CDH12: variants seen among roughly 807,000 people sequenced by gnomAD.
The protein encoded by CDH12 is cadherin-12.
CDH12 carries 41 observed loss-of-function variants against 74.1 expected under a neutral mutation model. The ratio of observed to expected loss-of-function variants is 0.55; its 90% CI spans 0.43 to 0.72. CDH12 has a LOEUF of 0.72. CDH12 is among the 30% of genes least tolerant of loss of function. The pLI is 0.00. For missense variants in CDH12, 945 were observed against 977.2 expected (o/e 0.97, Z 0.44); for synonymous variants, 399 against 355.0 (o/e 1.12, Z -1.39).
chr5:21,913,618 A>G (rs1456533749), intron 6 of CDH12, among the ~76,000 whole-genome samples: 1 of 152,138 alleles, frequency 6.6e-6, no homozygotes, highest in East Asian at 1.9e-4. Flanking sequence ...ATAAAATATT[A>G]TACATATATT....
chr5:22,202,336 G>A (rs898777697), intron 4 of CDH12, among the ~76,000 whole-genome samples: 1 of 152,066 alleles, frequency 6.6e-6, no homozygotes, highest in Non-Finnish European at 1.5e-5. Flanking sequence ...GTAAGACACA[G>A]TAAATTTGAG....
intron 6 of CDH12, among the ~76,000 whole-genome samples, chr5:21,930,106 G>A (rs937472206): frequency 7.9e-5 from 12 of 152,304 alleles, no homozygotes; most frequent in African/African-American, 2.6e-4. Context: ...TGATTTGGTA[G>A]AGACAGTGTC....
rs147794527 is a variant in CDH12, at chr5:22,568,979, C to T, written c.-522-63615G>A. On this transcript the variant is annotated intron_variant, in intron 1 of 14. Coordinates refer to ENST00000382254, the MANE Select transcript of CDH12 (RefSeq NM_004061.5). ...TGGCTGCTGACAAGCGATGTGGTTG[C>T]TAAAGGTTGTCGCAGCTGTGACAAT... Among the ~76,000 whole-genome samples, 371 of 152,248 alleles carry T rather than the reference C, an allele frequency of 2.4e-3. 3 individuals carry two copies. The highest frequency in any genetic ancestry group is 8.7e-3 in the African/African-American group (360 of 41,552).
intron 4 of CDH12, among the ~76,000 whole-genome samples, chr5:22,146,142 G>A (rs929128042): frequency 6.6e-6 from 1 of 152,018 alleles, no homozygotes; most frequent in Non-Finnish European, 1.5e-5. Flanking sequence ...TTAATGAGGT[G>A]TGTGAAAACT....
intron 3 of CDH12, among the ~76,000 whole-genome samples, chr5:22,319,059 A>G (rs1227626887): frequency 1.3e-5 from 2 of 152,186 alleles, no homozygotes; most frequent in African/African-American, 4.8e-5. Context: ...CTGAAATTTC[A>G]TATCACAGCC....
At position 22,506,726 on chromosome 5, in the gene CDH12, G is replaced by A. The variant is rs188205722; in HGVS notation, c.-522-1362C>T. Reference sequence around the variant, plus strand: ...TACTTCTAAGCCCTCTCAGTGAAGTGAGCTGGGAAATTTATGTATTTATAT... The same window carrying A: ...TACTTCTAAGCCCTCTCAGTGAAGTAAGCTGGGAAATTTATGTATTTATAT... On this transcript the variant is annotated intron_variant, in intron 1 of 14. Coordinates refer to ENST00000382254, the MANE Select transcript of CDH12 (RefSeq NM_004061.5). 6.1e-3 allele frequency among the ~76,000 whole-genome samples: 929 copies of A among 152,004 alleles called. 4 individuals carry two copies. Among genetic ancestry groups the A allele is most frequent in the Middle Eastern group, 0.017 (5 of 292 alleles).
intron 9 of CDH12, among the ~76,000 whole-genome samples, chr5:21,806,447 C>T (rs554939035): frequency 1.3e-5 from 2 of 152,244 alleles, no homozygotes; most frequent in African/African-American, 2.4e-5. Flanking sequence ...GGTAGCCAAG[C>T]CACTTCCTTT....
At chr5:22,063,314 C>T (rs7449310) in intron 5 of CDH12, among the ~76,000 whole-genome samples, 55,750 of 151,954 alleles carry the variant, frequency 0.37, 12,877 homozygotes, top group African/African-American at 0.66. Context: ...GTAGGTCTTT[C>T]TGGACATTAG....
chr5:22,077,864 A>C (rs1220054688), intron 5 of CDH12, among the ~76,000 whole-genome samples: 1 of 152,170 alleles, frequency 6.6e-6, no homozygotes, highest in Non-Finnish European at 1.5e-5. Context: ...TTCAGCCATA[A>C]AGACACTTAT....
chr5:22,284,227 G>A (rs754995248), intron 3 of CDH12, among the ~76,000 whole-genome samples: 3 of 152,074 alleles, frequency 2.0e-5, no homozygotes, highest in Admixed American at 6.6e-5. Flanking sequence ...GTAGTAATGA[G>A]CATGAAAAAC....
chr5:22,430,421 G>T (rs1744121309), intron 2 of CDH12, among the ~76,000 whole-genome samples: 1 of 152,068 alleles, frequency 6.6e-6, no homozygotes, highest in Admixed American at 6.6e-5. Context: ...TAAATATTTG[G>T]TTTTTGGTAA....
intron 1 of CDH12, among the ~76,000 whole-genome samples, chr5:22,664,108 A>G (rs564343010): frequency 1.3e-5 from 2 of 152,230 alleles, no homozygotes; most frequent in African/African-American, 4.8e-5. Flanking sequence ...TCAAATGTCA[A>G]CAATAGGTCT....
chr5:22,150,525 A>AACAC lies in CDH12; in HGVS notation c.-187+61969_-187+61972dup, dbSNP rs34902507. Among the ~76,000 whole-genome samples, 102 of 150,610 alleles carry AACAC rather than the reference A, an allele frequency of 6.8e-4. 1 individual carries two copies. Among genetic ancestry groups the AACAC allele is most frequent in the African/African-American group, 2.0e-3 (82 of 41,086 alleles). ...AGAACATATATATGTATATATATAG[A>AACAC]ACACACACACACACATATATATATA... On this transcript the variant is annotated intron_variant, in intron 4 of 14. Coordinates refer to ENST00000382254, the MANE Select transcript of CDH12 (RefSeq NM_004061.5).
chr5:21,864,928 T>A (rs1463725612), intron 6 of CDH12, among the ~76,000 whole-genome samples: 2 of 152,186 alleles, frequency 1.3e-5, no homozygotes, highest in African/African-American at 4.8e-5. Flanking sequence ...AACAAGGTAT[T>A]GGAAACTGGA....
intron 5 of CDH12, among the ~76,000 whole-genome samples, chr5:22,036,080 A>G (rs1023365917): frequency 4.6e-5 from 7 of 152,218 alleles, no homozygotes; most frequent in Non-Finnish European, 1.0e-4. Context: ...CATTTGTGAA[A>G]AAAAGCACCT....
At chr5:22,649,716 C>T (rs1279031765) in intron 1 of CDH12, among the ~76,000 whole-genome samples, 4 of 151,920 alleles carry the variant, frequency 2.6e-5, no homozygotes, top group African/African-American at 7.2e-5. Flanking sequence ...CTTTGCATTG[C>T]TAATAGTATG....
At chr5:21,898,731 A>G (rs1420565932) in intron 6 of CDH12, among the ~76,000 whole-genome samples, 1 of 151,932 alleles carries the variant, frequency 6.6e-6, no homozygotes, top group African/African-American at 2.4e-5. Context: ...ATATAAATAA[A>G]TAAAATAAAG....
chr5:22,122,025 A>AATTAAAAAAAAAATACTT (rs1745544478), intron 4 of CDH12, among the ~76,000 whole-genome samples: 1 of 152,072 alleles, frequency 6.6e-6, no homozygotes, highest in African/African-American at 2.4e-5. Flanking sequence ...ACATGGCAGC[A>AATTAAAAAAAAAATACTT]ATTAAAAAAA....
intron 4 of CDH12, among the ~76,000 whole-genome samples, chr5:22,211,502 C>G (rs1346939294): frequency 2.6e-5 from 4 of 151,786 alleles, no homozygotes; most frequent in Non-Finnish European, 4.4e-5. Flanking sequence ...AAAAATTTAT[C>G]ATAATATGGA....
Sources: allele counts gnomAD v4.1 joint callset (sites outside exome capture counted in the v4.1 genomes callset), GRCh38; gene constraint gnomAD v4.1.1; transcripts MANE v1.5; gene names NCBI Gene and HGNC (gene_info 2026-07-23, HGNC 2026-07-21).